Variants in MACO1 observed in about 807,000 individuals in gnomAD.
The protein encoded by MACO1 is macoilin.
In MACO1, 14 loss-of-function variants were observed where a neutral mutation model predicts 78.7. The observed-to-expected ratio is 0.18, with a 90% CI of 0.12 to 0.28. MACO1 has a LOEUF of 0.28. MACO1 is among the 10% of genes least tolerant of loss of function. MACO1 has a pLI of 1.00. For synonymous variants in MACO1, 288 were observed against 291.6 expected (o/e 0.99, Z 0.12); for missense variants, 501 against 799.0 (o/e 0.63, Z 4.50).
intron 3 of MACO1, among the ~76,000 whole-genome samples, chr1:25,451,947 AAAG>A (rs1375458041): frequency 6.6e-6 from 1 of 152,004 alleles, no homozygotes. Context: ...AAAAAAGAAA[AAAG>A]AAAAAAAAAA....
intron 6 of MACO1, among the ~76,000 whole-genome samples, chr1:25,461,053 C>T (rs2043166691): frequency 6.6e-6 from 1 of 151,882 alleles, no homozygotes; most frequent in Non-Finnish European, 1.5e-5. Context: ...GAGTTCATGT[C>T]CTTTGTAGGG....
At position 25,454,346 on chromosome 1, in the gene MACO1, T is replaced by G. The variant is rs1372058726; in HGVS notation, c.437T>G (p.Phe146Cys). The G allele has an allele frequency of 6.2e-7, 1 of 1,611,552 alleles. No homozygotes were observed. The highest frequency in any genetic ancestry group is 8.5e-7 in the Non-Finnish European group (1 of 1,179,160). ...AAIRFKDLKNFHVDLCRPFAA... is the reference protein window; with the variant it reads ...AAIRFKDLKNCHVDLCRPFAA... ...ATTAGATTTAAAGATCTCAAAAACT[T>G]TCATGTAGACCTTTGTCGTCCATTT... The change falls in exon 4 of 11, where the codon TTT becomes TGT. Residue 146 changes from phenylalanine (F) to cysteine (C), a missense_variant. By Grantham distance (205) the Phe-to-Cys change is radical. This residue lies in a region of MACO1 where 171 missense variants were observed against 292.1 expected (regional missense o/e 0.59). Transcript: ENST00000374343.
At chr1:25,450,205 G>A (rs957657027) in intron 3 of MACO1, among the ~76,000 whole-genome samples, 1 of 152,060 alleles carries the variant, frequency 6.6e-6, no homozygotes, top group African/African-American at 2.4e-5. Context: ...TTTTCTGTAG[G>A]CAAGAACACC....
intron 1 of MACO1, among the ~76,000 whole-genome samples, chr1:25,446,373 A>G (rs1029845336): frequency 6.6e-6 from 1 of 152,262 alleles, no homozygotes; most frequent in African/African-American, 2.4e-5. Context: ...GTGGGGAAAC[A>G]GCAAATTTGA....
At chr1:25,464,764 C>G (rs2043202578) in intron 6 of MACO1, among the ~76,000 whole-genome samples, 1 of 148,032 alleles carries the variant, frequency 6.8e-6, no homozygotes. Flanking sequence ...TCAAGTGATT[C>G]TCCTGTCTTA....
At chr1:25,465,753 C>T (rs2043213945) in intron 6 of MACO1, among the ~76,000 whole-genome samples, 2 of 152,166 alleles carry the variant, frequency 1.3e-5, no homozygotes, top group Admixed American at 6.6e-5. Context: ...TTCTCATTAT[C>T]GACCCTCCTT....
In MACO1 at chr1:25,499,853, A is replaced by G. The variant is rs1449999834; in HGVS notation, c.*1387A>G. On this transcript the variant is annotated 3_prime_UTR_variant, in exon 11 of 11. Transcript: ENST00000374343. ...GGCATGTACGTCTCATTTAAAGCAAATTAAGTAGGACAAGCAAGTCAGTAA... is the reference window on the plus strand; with the variant it reads ...GGCATGTACGTCTCATTTAAAGCAAGTTAAGTAGGACAAGCAAGTCAGTAA... The G allele has an allele frequency of 6.6e-6, 1 of 152,210 alleles. No individual in the cohort carries two copies. The highest frequency in any genetic ancestry group is 1.5e-5 in the Non-Finnish European group (1 of 68,036). The allele number at this position is 152,210 out of a possible 1,614,324, so 9.4% of individuals were successfully genotyped here.
In MACO1 at chr1:25,485,691, G is replaced by C. The variant is rs1245140061; in HGVS notation, c.1392G>C (p.Gln464His). 2 of 1,614,048 alleles carry C rather than the reference G, an allele frequency of 1.2e-6. No homozygotes were observed. Among genetic ancestry groups the C allele is most frequent in the Non-Finnish European group, 1.7e-6 (2 of 1,180,030 alleles). Residue 464 changes from glutamine to histidine, a missense_variant, in exon 8 of 11, where the codon CAG (glutamine) becomes CAC (histidine). Around this residue, in one of 5 missense-constraint regions of MACO1, gnomAD observed 163 missense variants for 271.9 expected, o/e 0.60. Coordinates refer to ENST00000374343, the MANE Select transcript of MACO1 (RefSeq NM_018202.6). This position sits in a 1 kb window ranked among gnomAD's most constrained non-coding sequence, Gnocchi z 4.3. The part of the protein sequence containing the change: ...SQLEKKLKAE[Q>H]EARSFVEKQL... ...TGGAGAAAAAGCTAAAAGCTGAGCA[G>C]GAAGCCCGAAGTTTTGTAGAGAAAC... is the stretch of plus-strand genomic sequence containing the variant.
chr1:25,442,640 C>G (rs1485704613), intron 1 of MACO1, among the ~76,000 whole-genome samples: 1 of 152,182 alleles, frequency 6.6e-6, no homozygotes, highest in Admixed American at 6.5e-5. Flanking sequence ...GATGATTAAT[C>G]TATGGATGGA....
intron 3 of MACO1, among the ~76,000 whole-genome samples, chr1:25,453,749 C>A (rs1399572569): frequency 3.3e-5 from 5 of 150,174 alleles, no homozygotes. Flanking sequence ...AAATTGCTAT[C>A]TAAAATGGTT....
Position 25,489,225 on chromosome 1 carries a change from G to A in MACO1, c.1549G>A (p.Gly517Ser). The A allele has an allele frequency of 6.2e-7, 1 of 1,614,012 alleles. No homozygotes were observed. Among genetic ancestry groups the A allele is most frequent in the Non-Finnish European group, 8.5e-7 (1 of 1,180,002 alleles). Reference protein sequence around the residue: ...RNRIRELEAEGKKLTMDMKVK... With the variant: ...RNRIRELEAESKKLTMDMKVK... ...TCGGATCAGAGAACTAGAAGCAGAG[G>A]GCAAGAAGCTCACGATGGACATGAA... is the stretch of plus-strand genomic sequence containing the variant. Residue 517 changes from glycine (G) to serine (S), a missense_variant, in exon 9 of 11, where the codon GGC (glycine) becomes AGC (serine). Physicochemically the swap from Gly to Ser is moderately conservative, Grantham distance 56. Around this residue, in one of 5 missense-constraint regions of MACO1, gnomAD observed 163 missense variants for 271.9 expected, o/e 0.60. Coordinates refer to ENST00000374343, the MANE Select transcript of MACO1 (RefSeq NM_018202.6).
Position 25,449,982 on chromosome 1 carries a change from G to T in MACO1, c.349+1048G>T, listed in dbSNP as rs1041238026. On this transcript the variant is annotated intron_variant, in intron 3 of 10. Transcript: ENST00000374343. ...GGCAGTGAGCTGAGACTGCGCCACT[G>T]CACTCCAGCCTGGGTGACAGAGCGA... Among the ~76,000 whole-genome samples the T allele has an allele frequency of 2.6e-5, 4 of 152,152 alleles. No homozygotes were observed. In the South Asian group the frequency reaches 8.3e-4, roughly 32 times the overall value.
At position 25,433,654 on chromosome 1, in the gene MACO1, C is replaced by T. The variant is rs530824184; in HGVS notation, c.80+2476C>T. 3.3e-5 allele frequency among the ~76,000 whole-genome samples: 5 copies of T among 152,264 alleles called. No individual in the cohort carries two copies. The South Asian group carries it at 8.3e-4, about 25-fold the overall frequency. On this transcript the variant is annotated intron_variant, in intron 1 of 10. Coordinates refer to ENST00000374343, the MANE Select transcript of MACO1 (RefSeq NM_018202.6). ...GGAAGGAGGCAGCTGTGGTGAAAAG[C>T]GCACTGGACTGCAGGAATCAGGAGA...
At chr1:25,478,954 T>TA (rs2043346579) in intron 6 of MACO1, among the ~76,000 whole-genome samples, 1 of 152,212 alleles carries the variant, frequency 6.6e-6, no homozygotes, top group Non-Finnish European at 1.5e-5. Context: ...CCCATTATTT[T>TA]TTTTTTAAAT....
At chr1:25,464,690 T>C (rs2043201918) in intron 6 of MACO1, among the ~76,000 whole-genome samples, 1 of 125,108 alleles carries the variant, frequency 8.0e-6, no homozygotes, top group South Asian at 2.7e-4. Context: ...GGAATCTTGC[T>C]CTTGTTGCCC....
At position 25,448,837 on chromosome 1, in the gene MACO1, A is replaced by G; in HGVS notation, c.252A>G (p.Ala84=). ...LAFSVFFVCV[A]FTSNIICLLF... ...TCTCAGTATTTTTTGTTTGTGTAGC[A>G]TTCACGTCAAATATAATATGCCTGC... The change falls in exon 3 of 11, where the codon GCA becomes GCG. Residue 84 remains alanine, a synonymous_variant. Coordinates refer to ENST00000374343, the MANE Select transcript of MACO1 (RefSeq NM_018202.6). The G allele has an allele frequency of 6.4e-7, 1 of 1,558,916 alleles. No individual in the cohort carries two copies. The highest frequency in any genetic ancestry group is 8.8e-7 in the Non-Finnish European group (1 of 1,142,458).
Position 25,448,566 on chromosome 1 carries a change from C to A in MACO1, c.223-242C>A, listed in dbSNP as rs565483592. ...TGTTCCCACCTCAGCTCATTCTGAT[C>A]CAGTTCTTTTTCATGATTTGAGGAC... On this transcript the variant is annotated intron_variant, in intron 2 of 10. Transcript: ENST00000374343. Among the ~76,000 whole-genome samples, 15 of 152,262 alleles carry A rather than the reference C, an allele frequency of 9.9e-5. No individual in the cohort carries two copies. In the South Asian group the frequency reaches 2.9e-3, roughly 29 times the overall value.
chr1:25,458,959 C>T (rs2043148027), intron 6 of MACO1, 67 bp downstream of exon 6: 8 of 1,537,930 alleles, frequency 5.2e-6, no homozygotes, highest in East Asian at 2.3e-5. Context: ...GACATACTCC[C>T]ATATGGGCCT....
At chr1:25,469,939 TA>T (rs1039543743) in intron 6 of MACO1, among the ~76,000 whole-genome samples, 1 of 152,208 alleles carries the variant, frequency 6.6e-6, no homozygotes, top group Non-Finnish European at 1.5e-5. Context: ...CTCTGACTTT[TA>T]TAAGACTCCT....
Sources: allele counts gnomAD v4.1 joint callset (sites outside exome capture counted in the v4.1 genomes callset), GRCh38; gene constraint gnomAD v4.1.1; regional missense constraint gnomAD v4.1.1; non-coding constraint Gnocchi (gnomAD v3.1); transcripts MANE v1.5; gene names NCBI Gene and HGNC (gene_info 2026-07-23, HGNC 2026-07-21).